The following GPM6A variants were observed in gnomAD, a reference collection of about 807,000 sequenced individuals.
GPM6A encodes neuronal membrane glycoprotein M6-a.
GPM6A carries 7 observed loss-of-function variants against 32.1 expected under a neutral mutation model. The observed-to-expected ratio is 0.22, with a 90% CI of 0.12 to 0.41. The LOEUF (loss-of-function observed/expected upper bound fraction) is 0.41, where lower values mean the gene tolerates loss of function less well. Ranked by LOEUF, GPM6A falls within the 10% of genes least tolerant of loss-of-function variation. GPM6A has a pLI of 1.00. For synonymous variants in GPM6A, 130 were observed against 123.4 expected (o/e 1.05, Z -0.35); for missense variants, 235 against 347.2 (o/e 0.68, Z 2.57).
rs1368091530 is a variant in GPM6A at position 175,811,516 on chromosome 4, CAT to C, written c.37+673_37+674del. ...CAAAAATGGAAATTTCACTTTAACT[CAT>C]ACAGCCAGATATACCTAGACAAGCT... On this transcript the variant is annotated intron_variant, in intron 1 of 6. Transcript: ENST00000393658. 2.0e-5 allele frequency among the ~76,000 whole-genome samples: 3 copies of C among 152,230 alleles called. No homozygotes were observed. In the East Asian group the frequency reaches 5.8e-4, roughly 29 times the overall value.
chr4:175,665,504 G>A (rs762233303), intron 3 of GPM6A, among the ~76,000 whole-genome samples: 14 of 152,240 alleles, frequency 9.2e-5, no homozygotes, highest in Middle Eastern at 3.4e-3. Context: ...TTGGACGGCC[G>A]TGGTGGTGGC....
chr4:175,896,061 G>A (rs570275606), intron 1 of GPM6A, among the ~76,000 whole-genome samples: 13 of 152,248 alleles, frequency 8.5e-5, no homozygotes, highest in Non-Finnish European at 1.2e-4. Flanking sequence ...ATAAAAAAGC[G>A]TGAACCACAT....
chr4:175,954,045 CA>C (rs1281135798), intron 1 of GPM6A, among the ~76,000 whole-genome samples: 2 of 152,140 alleles, frequency 1.3e-5, no homozygotes, highest in Non-Finnish European at 2.9e-5. Flanking sequence ...GAAATTTGTT[CA>C]ATTACATGTC....
chr4:175,764,300 G>A (rs1056366091), intron 1 of GPM6A, among the ~76,000 whole-genome samples: 1 of 152,138 alleles, frequency 6.6e-6, no homozygotes, highest in Non-Finnish European at 1.5e-5. Flanking sequence ...CTTTAATTTA[G>A]CAAAACGTTT....
intron 1 of GPM6A, among the ~76,000 whole-genome samples, chr4:175,734,153 TATATA>T (rs200740441): frequency 0.046 from 6,797 of 147,322 alleles, 327 homozygotes; most frequent in East Asian, 0.29. Context: ...TATATATATA[TATATA>T]TATTTTTTAA....
intron 1 of GPM6A, chr4:175,811,934 A>G: frequency 6.1e-6 from 2 of 329,884 alleles, no homozygotes; most frequent in Non-Finnish European, 1.1e-5. Flanking sequence ...TCTAAGGAAT[A>G]GTTCACTACA....
rs1432488788 is a variant in GPM6A at position 175,807,863 on chromosome 4, G to GA, written c.37+4327dup. ...AAAGTTCAGAACCTGGACTCATTCT[G>GA]ATTGCATTGAGCCCAGCTCTACTAT... On this transcript the variant is annotated intron_variant, in intron 1 of 6. Transcript: ENST00000393658. Among the ~76,000 whole-genome samples the GA allele has an allele frequency of 2.6e-5, 4 of 152,272 alleles. No homozygotes were observed. The East Asian group carries it at 7.7e-4, about 29-fold the overall frequency.
At chr4:175,930,370 A>G (rs1279476862) in intron 1 of GPM6A, among the ~76,000 whole-genome samples, 2 of 149,166 alleles carry the variant, frequency 1.3e-5, no homozygotes, top group East Asian at 4.1e-4. Flanking sequence ...AACGAAAAGC[A>G]TAACATAAGC....
intron 1 of GPM6A, among the ~76,000 whole-genome samples, chr4:175,892,844 G>A (rs1162605056): frequency 1.3e-5 from 2 of 152,130 alleles, no homozygotes; most frequent in Non-Finnish European, 1.5e-5. Flanking sequence ...ATATTGTTCT[G>A]ACTGATTTTC....
At position 175,803,164 on chromosome 4, in the gene GPM6A, TTCATCA is replaced by T. The variant is rs5864348; in HGVS notation, c.37+9021_37+9026del. 7.7e-3 allele frequency among the ~76,000 whole-genome samples: 1,122 copies of T among 145,340 alleles called. 5 individuals are homozygous for T. The highest frequency in any genetic ancestry group is 0.019 in the African/African-American group (759 of 39,380). On this transcript the variant is annotated intron_variant, in intron 1 of 6. Coordinates refer to ENST00000393658, the MANE Select transcript of GPM6A (RefSeq NM_201591.3). ...CTTCTCTTTCTCCTCCTGTTCTCGT[TTCATCA>T]TCATCATCATCATCATCATCATCAT...
At chr4:175,913,117 C>T (rs1184327259) in intron 1 of GPM6A, among the ~76,000 whole-genome samples, 4 of 152,090 alleles carry the variant, frequency 2.6e-5, no homozygotes, top group Non-Finnish European at 4.4e-5. Context: ...CAAATAAGTG[C>T]AAAATATATT....
intron 1 of GPM6A, among the ~76,000 whole-genome samples, chr4:175,764,399 T>C (rs997051592): frequency 3.9e-5 from 6 of 152,366 alleles, no homozygotes; most frequent in African/African-American, 1.4e-4. Context: ...TACCACATTT[T>C]GTTTATTCAT....
intron 4 of GPM6A, among the ~76,000 whole-genome samples, chr4:175,643,735 A>G (rs1741290293): frequency 6.6e-6 from 1 of 152,180 alleles, no homozygotes; most frequent in South Asian, 2.1e-4. Flanking sequence ...CTCCTAATAA[A>G]GAAACACCTG....
intron 1 of GPM6A, among the ~76,000 whole-genome samples, chr4:175,891,195 C>T (rs564162858): frequency 1.6e-4 from 25 of 152,236 alleles, no homozygotes; most frequent in African/African-American, 5.3e-4. Flanking sequence ...TCATATTAAA[C>T]GAAGGCAAAC....
intron 1 of GPM6A, among the ~76,000 whole-genome samples, chr4:175,894,856 AAG>A (rs972882958): frequency 1.3e-5 from 2 of 152,194 alleles, no homozygotes; most frequent in African/African-American, 4.8e-5. Flanking sequence ...GAAGTTCAAA[AAG>A]AGATTAAGTA....
At chr4:175,745,761 A>G (rs1271356581) in intron 1 of GPM6A, among the ~76,000 whole-genome samples, 1 of 152,172 alleles carries the variant, frequency 6.6e-6, no homozygotes, top group Non-Finnish European at 1.5e-5. Flanking sequence ...TAACATCACC[A>G]CTGATATTAC....
chr4:175,860,117 C>T (rs1736530092), intron 1 of GPM6A, among the ~76,000 whole-genome samples: 1 of 151,304 alleles, frequency 6.6e-6, no homozygotes, highest in Non-Finnish European at 1.5e-5. Context: ...AATAAATAAA[C>T]TAAGCTGTTG....
At chr4:175,743,790 A>G (rs981128201) in intron 1 of GPM6A, among the ~76,000 whole-genome samples, 4 of 152,090 alleles carry the variant, frequency 2.6e-5, no homozygotes, top group Non-Finnish European at 5.9e-5. Context: ...AAAGAAGGAC[A>G]TTTCATCGAC....
At chr4:175,736,893 T>C (rs1431542687) in intron 1 of GPM6A, among the ~76,000 whole-genome samples, 6 of 152,204 alleles carry the variant, frequency 3.9e-5, no homozygotes, top group Non-Finnish European at 8.8e-5. Context: ...TATAATGTCA[T>C]AGCACAATGC....
Sources: gnomAD v4.1 joint callset for allele counts (sites outside exome capture counted in the v4.1 genomes callset) on GRCh38, gnomAD v4.1.1 for gene constraint, MANE v1.5 for transcripts, NCBI Gene and HGNC (gene_info 2026-07-23, HGNC 2026-07-21) for gene names.